ADAMTS17: variants seen among roughly 807,000 people sequenced by gnomAD.
ADAMTS17 encodes the protein A disintegrin and metalloproteinase with thrombospondin motifs 17.
In ADAMTS17, 113 loss-of-function variants were observed where a neutral mutation model predicts 141.5. The ratio of observed to expected loss-of-function variants is 0.80; its 90% confidence interval spans 0.69 to 0.93. The LOEUF is 0.93. ADAMTS17 is among the 40% of genes least tolerant of loss of function. The probability of loss-of-function intolerance (pLI) is 0.00; values close to 1 mark genes in which losing one functional copy is unlikely to be tolerated. For missense variants in ADAMTS17, 1,659 were observed against 1,517.9 expected (o/e 1.09, Z -1.54); for synonymous variants, 768 against 630.6 (o/e 1.22, Z -3.27).
At chr15:100,246,940 A>G (rs4633696) in intron 7 of ADAMTS17, among the ~76,000 whole-genome samples, 103,149 of 151,540 alleles carry the variant, frequency 0.68, 35,493 homozygotes, top group South Asian at 0.8. Context: ...CTGGAGTGCA[A>G]TGGCACAATC....
intron 9 of ADAMTS17, among the ~76,000 whole-genome samples, chr15:100,153,675 A>G (rs2039297220): frequency 6.6e-6 from 1 of 151,974 alleles, no homozygotes; most frequent in Admixed American, 6.6e-5. Flanking sequence ...TGAACTGGGG[A>G]TTGCGAGGCT....
chr15:100,073,430 T>G (rs1217897262), intron 15 of ADAMTS17, among the ~76,000 whole-genome samples: 1 of 152,128 alleles, frequency 6.6e-6, no homozygotes, highest in Non-Finnish European at 1.5e-5. Flanking sequence ...CCCAAAGGAT[T>G]ATAAATCATG....
At chr15:100,158,566 T>C (rs2039544801) in intron 8 of ADAMTS17, among the ~76,000 whole-genome samples, 2 of 152,108 alleles carry the variant, frequency 1.3e-5, no homozygotes. Flanking sequence ...TGAAACTCGA[T>C]GCTTACTGAC....
intron 3 of ADAMTS17, among the ~76,000 whole-genome samples, chr15:100,312,373 G>GA (rs2045433797): frequency 1.3e-5 from 2 of 152,232 alleles, no homozygotes; most frequent in South Asian, 4.2e-4. Flanking sequence ...CTGGGAGCTG[G>GA]AAAAAATGAG....
chr15:100,236,606 G>C (rs986032297), intron 7 of ADAMTS17, among the ~76,000 whole-genome samples: 1 of 152,214 alleles, frequency 6.6e-6, no homozygotes, highest in African/African-American at 2.4e-5. Context: ...GGGAGGCTGA[G>C]ACAGGAGGAT....
intron 10 of ADAMTS17, among the ~76,000 whole-genome samples, chr15:100,151,687 C>G (rs988185809): frequency 1.8e-4 from 27 of 152,192 alleles, no homozygotes; most frequent in African/African-American, 6.5e-4. Flanking sequence ...CAGGATGGTG[C>G]AGGTTCTGCT....
intron 8 of ADAMTS17, among the ~76,000 whole-genome samples, chr15:100,180,076 G>A (rs985723188): frequency 9.9e-5 from 15 of 152,260 alleles, no homozygotes; most frequent in African/African-American, 3.6e-4. Flanking sequence ...TGTTCCTGTG[G>A]GGTATCACTC....
At chr15:100,290,984 A>G (rs985931744) in intron 3 of ADAMTS17, among the ~76,000 whole-genome samples, 1 of 152,254 alleles carries the variant, frequency 6.6e-6, no homozygotes, top group Non-Finnish European at 1.5e-5. Flanking sequence ...AATTGCAACA[A>G]AAACAAAAAT....
chr15:100,101,476 C>G (rs1205025010), intron 14 of ADAMTS17, among the ~76,000 whole-genome samples: 3 of 152,196 alleles, frequency 2.0e-5, no homozygotes, highest in Admixed American at 6.5e-5. Flanking sequence ...GGGTTTTCTG[C>G]TATGTCTAAG....
Position 100,254,164 on chromosome 15 carries a change from T to C in ADAMTS17, c.1047A>G (p.Val349=). The change falls in exon 7 of 22, where the codon GTA becomes GTG. Residue 349 remains valine (V), a synonymous_variant. Coordinates refer to ENST00000268070, the MANE Select transcript of ADAMTS17 (RefSeq NM_139057.4). Reference sequence around the variant, plus strand: ...CAGTGTCACACGGTTCATCCTTGTGTACACAGAAATCTGTCCTAAAAAATA... The same window carrying C: ...CAGTGTCACACGGTTCATCCTTGTGCACACAGAAATCTGTCCTAAAAAATA... ...AVFVTRTDFC[V]HKDEPCDTVG... 6.2e-7 allele frequency: 1 copy of C among 1,613,358 alleles called. No homozygotes were observed. The highest frequency in any genetic ancestry group is 8.5e-7 in the Non-Finnish European group (1 of 1,179,318).
intron 13 of ADAMTS17, among the ~76,000 whole-genome samples, chr15:100,114,082 C>T (rs2036960460): frequency 6.6e-6 from 1 of 151,426 alleles, no homozygotes; most frequent in Admixed American, 6.6e-5. Context: ...GGATCTTTGT[C>T]TTCTTTTGGA....
chr15:100,138,812 T>C (rs1243805226), intron 10 of ADAMTS17, among the ~76,000 whole-genome samples: 4 of 152,214 alleles, frequency 2.6e-5, no homozygotes. Flanking sequence ...ATGGCCGCAA[T>C]GATCTCTGTC....
intron 8 of ADAMTS17, among the ~76,000 whole-genome samples, chr15:100,169,004 C>A (rs557927283): frequency 6.6e-6 from 1 of 152,270 alleles, no homozygotes; most frequent in Admixed American, 6.5e-5. Flanking sequence ...GTGGCCAGCG[C>A]GGTGGTGGTG....
chr15:100,249,664 C>T (rs894220986), intron 7 of ADAMTS17, among the ~76,000 whole-genome samples: 1 of 152,198 alleles, frequency 6.6e-6, no homozygotes, highest in Admixed American at 6.6e-5. Context: ...CTGGCGGCAG[C>T]CCCCTTCCAG....
intron 18 of ADAMTS17, among the ~76,000 whole-genome samples, chr15:100,017,100 G>A (rs949335295): frequency 6.6e-6 from 1 of 152,146 alleles, no homozygotes; most frequent in Non-Finnish European, 1.5e-5. Context: ...TACCTAGGAG[G>A]GTTATGGCTG....
chr15:100,313,583 C>T (rs907856680), intron 3 of ADAMTS17, among the ~76,000 whole-genome samples: 1 of 152,202 alleles, frequency 6.6e-6, no homozygotes, highest in African/African-American at 2.4e-5. Flanking sequence ...TCTACAACTC[C>T]ATGCAGCTAA....
rs556017665 is a variant in ADAMTS17, at chr15:100,226,066, C to T, written c.1076-26643G>A. 2.1e-3 allele frequency among the ~76,000 whole-genome samples: 308 copies of T among 149,360 alleles called. 3 individuals carry two copies. The South Asian group carries it at 0.043, about 21-fold the overall frequency. ...GCCCATTCAGTCCTTACAGCAGTCA[C>T]GGTCTCTGTGCCCATTCAGTCCTTA... On this transcript the variant is annotated intron_variant, in intron 7 of 21. Transcript: ENST00000268070.
At chr15:100,033,215 G>A (rs2030355347) in intron 18 of ADAMTS17, among the ~76,000 whole-genome samples, 1 of 152,140 alleles carries the variant, frequency 6.6e-6, no homozygotes, top group Non-Finnish European at 1.5e-5. Flanking sequence ...TCTGGGGACT[G>A]AAGATTCTGT....
chr15:99,992,061 T>C (rs991336239), intron 20 of ADAMTS17, among the ~76,000 whole-genome samples: 1 of 151,998 alleles, frequency 6.6e-6, no homozygotes. Flanking sequence ...TTAGGACAAA[T>C]ACCTAATGCA....
Sources: gnomAD v4.1 joint callset for allele counts (sites outside exome capture counted in the v4.1 genomes callset) on GRCh38, gnomAD v4.1.1 for gene constraint, MANE v1.5 for transcripts, NCBI Gene and HGNC (gene_info 2026-07-23, HGNC 2026-07-21) for gene names.